FBXO31: variants seen among roughly 807,000 people sequenced by gnomAD.
FBXO31 encodes the protein F-box only protein 31.
Under a neutral mutation model 54.4 loss-of-function variants are expected in FBXO31, and 24 were observed. The observed-to-expected ratio is 0.44, with a 90% CI of 0.32 to 0.62. The LOEUF (loss-of-function observed/expected upper bound fraction) is 0.62, where lower values mean the gene tolerates loss of function less well. Among genes scored for constraint, FBXO31 ranks in the 20% least tolerant of loss-of-function variants. FBXO31 has a pLI of 0.05. For synonymous variants in FBXO31, 388 were observed against 335.6 expected, an observed-to-expected ratio of 1.16 and a Z score of -1.71; for missense variants, 665 against 787.1, an observed-to-expected ratio of 0.84 and a Z score of 1.86.
At chr16:87,340,346 A>G (rs1905154068) in intron 5 of FBXO31, among the ~76,000 whole-genome samples, 1 of 152,234 alleles carries the variant, frequency 6.6e-6, no homozygotes, top group East Asian at 1.9e-4. Context: ...GGACAGACAT[A>G]TGGATCAGAG....
intron 1 of FBXO31, among the ~76,000 whole-genome samples, chr16:87,376,299 A>G (rs1262995714): frequency 6.6e-6 from 1 of 150,426 alleles, no homozygotes; most frequent in Non-Finnish European, 1.5e-5. Context: ...GTTAAGACAG[A>G]GTCTTACTCT....
In FBXO31 at chr16:87,360,312, C is replaced by CAA; in HGVS notation, c.394_395insTT (p.Arg132LeufsTer30). 6.2e-7 allele frequency: 1 copy of CAA among 1,614,170 alleles called. No individual in the cohort carries two copies. On this transcript the variant is annotated frameshift_variant, in exon 2 of 9. Transcript: ENST00000311635. LOFTEE classifies it high-confidence loss of function. The stretch of plus-strand genomic sequence containing the variant: ...TCACTCACGCTTCGCATAGACGTCC[C>CAA]GACAAGACACGCCTGTGATCTCCAG...
rs912282553 is a variant in FBXO31, at chr16:87,329,645, C to T, written c.*1643G>A. 7.2e-5 allele frequency: 11 copies of T among 152,266 alleles called. No homozygotes were observed. The highest frequency in any genetic ancestry group is 9.6e-5 in the African/African-American group (4 of 41,466). 9.4% of individuals were successfully genotyped at this position (152,266 alleles called of 1,614,324 possible). A position where few individuals can be genotyped will look rare whatever the true frequency, so the allele number is the denominator to read the frequency against. On this transcript the variant is annotated 3_prime_UTR_variant, in exon 9 of 9. Transcript: ENST00000311635. ...GCTTGTAGGCTAATGCTGCAAAAGC[C>T]GCTAGAAACTGGGGCCACACACAAG... is the stretch of plus-strand genomic sequence containing the variant.
rs1282639268 is a variant in FBXO31 at position 87,328,649 on chromosome 16, C to G, written c.*2639G>C. 1 of 152,282 alleles carries G rather than the reference C, an allele frequency of 6.6e-6. No individual in the cohort carries two copies. Among genetic ancestry groups the G allele is most frequent in the African/African-American group, 2.4e-5 (1 of 41,472 alleles). 9.4% of individuals were successfully genotyped at this position (152,282 alleles called of 1,614,324 possible). On this transcript the variant is annotated 3_prime_UTR_variant, in exon 9 of 9. Transcript: ENST00000311635. ...CCTCCAATGACCTCTCTGAAATCTTCAATCACATCATTTCCAAACAAGTGA... is the reference window on the plus strand; with the variant it reads ...CCTCCAATGACCTCTCTGAAATCTTGAATCACATCATTTCCAAACAAGTGA...
intron 1 of FBXO31, among the ~76,000 whole-genome samples, chr16:87,361,164 G>A (rs903956957): frequency 1.3e-5 from 2 of 152,216 alleles, no homozygotes; most frequent in Non-Finnish European, 2.9e-5. Context: ...CCTGCATTGA[G>A]CTTTCCACGT....
chr16:87,377,184 C>T (rs147470001), intron 1 of FBXO31, among the ~76,000 whole-genome samples: 55 of 152,352 alleles, frequency 3.6e-4, no homozygotes, highest in African/African-American at 1.3e-3. Flanking sequence ...GTGGCTCACG[C>T]CAGTAATCCT....
chr16:87,343,475 C>A, intron 4 of FBXO31, 123 bp downstream of exon 4: 1 of 1,221,288 alleles, frequency 8.2e-7, no homozygotes, highest in East Asian at 2.6e-5. Flanking sequence ...GGCGGAGCCT[C>A]CCTCCCACCC....
chr16:87,355,863 GCCCCAGCTGCGCGGCCT>G (rs1235182461), intron 2 of FBXO31, among the ~76,000 whole-genome samples: 1 of 152,178 alleles, frequency 6.6e-6, no homozygotes, highest in African/African-American at 2.4e-5. Flanking sequence ...GACTCGCTAG[GCCCCAGCTGCGCGGCCT>G]CCCCAGAGGC....
rs1411947941 is a variant in FBXO31, at chr16:87,338,267, G to A, written c.733-2003C>T. 6.6e-6 allele frequency among the ~76,000 whole-genome samples: 1 copy of A among 151,382 alleles called. No individual in the cohort carries two copies. Among genetic ancestry groups the A allele is most frequent in the Non-Finnish European group, 1.5e-5 (1 of 67,896 alleles). ...AAAAAAAACAGGGAGCCCAGGACAT[G>A]CACGACAACGATCAACTTCACGTTG... On this transcript the variant is annotated intron_variant, in intron 5 of 8. Transcript: ENST00000311635. This position sits in a 1 kb window ranked among gnomAD's most constrained non-coding sequence, Gnocchi z 4.3.
intron 2 of FBXO31, among the ~76,000 whole-genome samples, chr16:87,359,406 C>T (rs974458740): frequency 6.6e-6 from 1 of 152,200 alleles, no homozygotes; most frequent in East Asian, 1.9e-4. Context: ...TCCATGTGTA[C>T]ACTCCTATGG....
At chr16:87,366,464 T>G (rs996499431) in intron 1 of FBXO31, among the ~76,000 whole-genome samples, 22 of 151,988 alleles carry the variant, frequency 1.4e-4, no homozygotes, top group African/African-American at 4.3e-4. Context: ...GCGGGCAAGA[T>G]CAGAGCAGAG....
chr16:87,363,634 A>C (rs1471015852), intron 1 of FBXO31, among the ~76,000 whole-genome samples: 2 of 116,586 alleles, frequency 1.7e-5, no homozygotes, highest in Non-Finnish European at 1.8e-5. Context: ...AATGGCAGGA[A>C]TAAATAGTTT....
chr16:87,366,134 G>A (rs1389861966), intron 1 of FBXO31, among the ~76,000 whole-genome samples: 1 of 152,128 alleles, frequency 6.6e-6, no homozygotes, highest in Non-Finnish European at 1.5e-5. Flanking sequence ...TGAATGCCAC[G>A]GGGGCTCCCA....
In FBXO31 at chr16:87,333,969, G is replaced by C. The variant is rs754435390; in HGVS notation, c.1314C>G (p.Ala438=). Residue 438 remains alanine (A), a synonymous_variant, in exon 8 of 9, where the codon GCC becomes GCG. Transcript: ENST00000311635. ...CGAACGGCTGCCCCTGCCCACACTG[G>C]GCAGGCTGCTCGGCCGCAGCTACGG... ...GDAVAAAEQP[A]QCGQGQPFVL... The C allele has an allele frequency of 3.3e-5, 54 of 1,612,628 alleles. No homozygotes were observed. In the Admixed American group the frequency reaches 8.3e-4, roughly 25 times the overall value.
At chr16:87,362,057 G>T (rs970937579) in intron 1 of FBXO31, among the ~76,000 whole-genome samples, 5 of 152,202 alleles carry the variant, frequency 3.3e-5, no homozygotes, top group African/African-American at 9.6e-5. Flanking sequence ...TAGTTCTTTG[G>T]AGAAGAAAAC....
At chr16:87,357,227 A>C (rs987780537) in intron 2 of FBXO31, among the ~76,000 whole-genome samples, 1 of 152,072 alleles carries the variant, frequency 6.6e-6, no homozygotes, top group Non-Finnish European at 1.5e-5. Flanking sequence ...CCTGGGCAAC[A>C]AGACAGACCC....
chr16:87,357,900 G>A (rs946208801), intron 2 of FBXO31, among the ~76,000 whole-genome samples: 2 of 151,516 alleles, frequency 1.3e-5, no homozygotes, highest in Non-Finnish European at 1.5e-5. Context: ...TTGGGTGACA[G>A]AGTGAGACTC....
At chr16:87,352,832 T>C (rs903639599) in intron 2 of FBXO31, among the ~76,000 whole-genome samples, 1 of 152,198 alleles carries the variant, frequency 6.6e-6, no homozygotes, top group African/African-American at 2.4e-5. Flanking sequence ...AATGGGAAAG[T>C]ACCGTGAAAG....
At chr16:87,357,461 T>C (rs1905946539) in intron 2 of FBXO31, among the ~76,000 whole-genome samples, 2 of 151,428 alleles carry the variant, frequency 1.3e-5, no homozygotes, top group Admixed American at 6.6e-5. Context: ...TCTGGGTACC[T>C]GGGATTACAA....
Sources: gnomAD v4.1 joint callset for allele counts (sites outside exome capture counted in the v4.1 genomes callset) on GRCh38, gnomAD v4.1.1 for gene constraint, Gnocchi (gnomAD v3.1) non-coding constraint, MANE v1.5 for transcripts, NCBI Gene and HGNC (gene_info 2026-07-23, HGNC 2026-07-21) for gene names.